CORO1C: variants seen among roughly 807,000 people sequenced by gnomAD.
CORO1C encodes the protein coronin 1C.
A neutral mutation model predicts 51.2 loss-of-function variants in CORO1C; 14 were observed. The observed-to-expected ratio is 0.27, with a 90% CI of 0.18 to 0.43. The LOEUF is 0.43. Ranked by LOEUF, CORO1C falls within the 20% of genes least tolerant of loss-of-function variation. The pLI is 1.00. For synonymous variants in CORO1C, 181 were observed against 210.5 expected, an observed-to-expected ratio of 0.86 and a Z score of 1.21; for missense variants, 417 against 607.8, an observed-to-expected ratio of 0.69 and a Z score of 3.30.
chr12:108,714,397 CAA>C (rs34182326), intron 1 of CORO1C, among the ~76,000 whole-genome samples: 9 of 94,938 alleles, frequency 9.5e-5, no homozygotes, highest in African/African-American at 1.7e-4. Flanking sequence ...GAGTCAGTCT[CAA>C]AAAAAAAAAA....
intron 6 of CORO1C, among the ~76,000 whole-genome samples, chr12:108,656,723 G>A (rs1452418893): frequency 6.6e-6 from 1 of 152,216 alleles, no homozygotes; most frequent in Admixed American, 6.5e-5. Flanking sequence ...CTTCTGCCTT[G>A]GGATGTTGTT....
chr12:108,714,976 G>A (rs1463059338), intron 1 of CORO1C, among the ~76,000 whole-genome samples: 1 of 152,140 alleles, frequency 6.6e-6, no homozygotes, highest in Non-Finnish European at 1.5e-5. Flanking sequence ...AGAGCGTAAT[G>A]TGACGCTATG....
chr12:108,720,525 A>AT (rs529801525), intron 1 of CORO1C, among the ~76,000 whole-genome samples: 43,504 of 148,856 alleles, frequency 0.29, 7,285 homozygotes, highest in South Asian at 0.44. Context: ...CATAATAAGA[A>AT]TTTTTTTTTT....
chr12:108,696,732 A>C (rs753818052), intron 2 of CORO1C, among the ~76,000 whole-genome samples: 1 of 152,266 alleles, frequency 6.6e-6, no homozygotes, highest in Non-Finnish European at 1.5e-5. Context: ...AAGTAAATGC[A>C]CTAAGCCACA....
At chr12:108,710,265 T>C (rs1300968727) in intron 1 of CORO1C, among the ~76,000 whole-genome samples, 1 of 152,328 alleles carries the variant, frequency 6.6e-6, no homozygotes, top group South Asian at 2.1e-4. Context: ...ACATGGACAG[T>C]TGTCTCCCTC....
intron 1 of CORO1C, among the ~76,000 whole-genome samples, chr12:108,712,032 T>C (rs940937290): frequency 1.3e-5 from 2 of 152,176 alleles, no homozygotes; most frequent in Admixed American, 6.5e-5. Flanking sequence ...AGGGCGTCGA[T>C]TACTCAAGCG....
chr12:108,706,711 C>T (rs554366801), intron 1 of CORO1C, among the ~76,000 whole-genome samples: 4 of 152,252 alleles, frequency 2.6e-5, no homozygotes, highest in Non-Finnish European at 5.9e-5. Context: ...TCTCCTGTCT[C>T]AGCCTCCCGA....
intron 3 of CORO1C, among the ~76,000 whole-genome samples, chr12:108,677,541 C>T (rs577343713): frequency 6.6e-6 from 1 of 152,186 alleles, no homozygotes; most frequent in Non-Finnish European, 1.5e-5. Flanking sequence ...GTGACATATC[C>T]CATTTTATCT....
chr12:108,647,501 C>T lies in CORO1C; in HGVS notation c.1327G>A (p.Glu443Lys). The T allele has an allele frequency of 6.2e-7, 1 of 1,601,796 alleles. No homozygotes were observed. The highest frequency in any genetic ancestry group is 8.5e-7 in the Non-Finnish European group (1 of 1,171,656). Residue 443 changes from glutamate to lysine, a missense_variant, in exon 11 of 11, where the codon GAG becomes AAG. Transcript: ENST00000261401. ...ASVQNEAKLD[E>K]ILKEIKSIKD... is the part of the protein sequence containing the mutation. ...ATAGATTTGATCTCTTTTAAAATCT[C>T]ATCCAACTTGGCTTCATTTTGCTAA...
intron 3 of CORO1C, among the ~76,000 whole-genome samples, chr12:108,677,012 A>C (rs1192659338): frequency 1.3e-5 from 2 of 152,240 alleles, no homozygotes; most frequent in African/African-American, 2.4e-5. Flanking sequence ...GACACAGTTC[A>C]GGAATTAATT....
At chr12:108,697,761 A>G (rs1273262854) in intron 2 of CORO1C, among the ~76,000 whole-genome samples, 1 of 152,184 alleles carries the variant, frequency 6.6e-6, no homozygotes, top group Non-Finnish European at 1.5e-5. Context: ...TCTTAGACAC[A>G]AGTGCTCCTG....
chr12:108,652,586 C>G (rs926313723), intron 7 of CORO1C, among the ~76,000 whole-genome samples, 169 bp from the exon 8 acceptor site: 1 of 152,186 alleles, frequency 6.6e-6, no homozygotes, highest in Non-Finnish European at 1.5e-5. Context: ...GTTTCTTTTC[C>G]TCACAAAGTA....
At chr12:108,723,551 A>G (rs2035522966) in intron 1 of CORO1C, among the ~76,000 whole-genome samples, 1 of 152,196 alleles carries the variant, frequency 6.6e-6, no homozygotes, top group Admixed American at 6.5e-5. Flanking sequence ...AAAAATCTAC[A>G]GCTTTGTTCA....
At chr12:108,720,537 T>A (rs1006447673) in intron 1 of CORO1C, among the ~76,000 whole-genome samples, 3 of 151,982 alleles carry the variant, frequency 2.0e-5, no homozygotes, top group Admixed American at 6.6e-5. Context: ...TTTTTTTTTT[T>A]ATTTGAGATG....
At chr12:108,685,754 G>C (rs908666582) in intron 2 of CORO1C, among the ~76,000 whole-genome samples, 4 of 152,144 alleles carry the variant, frequency 2.6e-5, no homozygotes, top group African/African-American at 9.7e-5. Flanking sequence ...AACAGAGAAA[G>C]TAGTATTCTA....
intron 1 of CORO1C, among the ~76,000 whole-genome samples, chr12:108,723,497 C>T (rs1429829235): frequency 6.6e-6 from 1 of 152,238 alleles, no homozygotes; most frequent in African/African-American, 2.4e-5. Flanking sequence ...GCTTCACTCT[C>T]CTAACACTTC....
intron 9 of CORO1C, 55 bp downstream of exon 9, chr12:108,648,908 A>G: frequency 1.2e-6 from 2 of 1,611,426 alleles, no homozygotes; most frequent in Non-Finnish European, 1.7e-6. Context: ...GGATTTTTGA[A>G]TTTTATTTTT....
intron 1 of CORO1C, among the ~76,000 whole-genome samples, chr12:108,726,859 G>A (rs987838912): frequency 6.6e-5 from 10 of 152,046 alleles, no homozygotes; most frequent in South Asian, 2.1e-4. Context: ...ACTGTTCATC[G>A]GGGGAAAGAA....
chr12:108,718,830 T>C (rs898072942), intron 1 of CORO1C, among the ~76,000 whole-genome samples: 3 of 152,202 alleles, frequency 2.0e-5, no homozygotes, highest in African/African-American at 7.2e-5. Flanking sequence ...AGAATTTAAC[T>C]CACTGGAGAT....
Sources: allele counts gnomAD v4.1 joint callset (sites outside exome capture counted in the v4.1 genomes callset), GRCh38; gene constraint gnomAD v4.1.1; transcripts MANE v1.5; gene names NCBI Gene and HGNC (gene_info 2026-07-23, HGNC 2026-07-21).